The following FAM149A variants were observed in gnomAD, a reference collection of about 807,000 sequenced individuals.
FAM149A encodes family with sequence similarity 149 member A.
In FAM149A, 71 loss-of-function variants were observed where a neutral mutation model predicts 78.2. That is an observed-to-expected ratio of 0.91 (90% CI 0.75 to 1.11). FAM149A has a LOEUF of 1.11. Among genes scored for constraint, FAM149A ranks in the 50% least tolerant of loss-of-function variants. The pLI, the probability that FAM149A is intolerant of heterozygous loss-of-function variation, is 0.00. For synonymous variants in FAM149A, 446 were observed against 410.5 expected (o/e 1.09, Z -1.04); for missense variants, 1,036 against 971.0 (o/e 1.07, Z -0.89).
At chr4:186,134,282 A>ATT (rs1213376402) in intron 1 of FAM149A, among the ~76,000 whole-genome samples, 1 of 152,164 alleles carries the variant, frequency 6.6e-6, no homozygotes, top group Non-Finnish European at 1.5e-5. Flanking sequence ...ATTAAACCTG[A>ATT]GCAATTATGA....
chr4:186,165,274 T>G, intron 10 of FAM149A, 70 bp from the exon 11 acceptor site: 1 of 1,573,260 alleles, frequency 6.4e-7, no homozygotes, highest in Non-Finnish European at 8.7e-7. Context: ...TCACAGCTCT[T>G]GGCAGATTTC....
At chr4:186,158,075 G>T in intron 8 of FAM149A, 3 of 1,362,938 alleles carry the variant, frequency 2.2e-6, no homozygotes, top group Non-Finnish European at 2.9e-6. Context: ...AGAAGCTGCT[G>T]CTGGCAGCTC....
At chr4:186,129,782 T>C (rs947724811) in intron 1 of FAM149A, among the ~76,000 whole-genome samples, 1 of 152,156 alleles carries the variant, frequency 6.6e-6, no homozygotes, top group African/African-American at 2.4e-5. Flanking sequence ...ACCAGTTAAA[T>C]AGAAGAAGAA....
chr4:186,169,725 T>G, intron 13 of FAM149A: 1 of 985,274 alleles, frequency 1.0e-6, no homozygotes, highest in Non-Finnish European at 1.2e-6. Context: ...ATCGGGGGAC[T>G]GCAGTGACCC....
At chr4:186,105,787 G>A (rs2099308508) in intron 1 of FAM149A, 145 bp downstream of exon 1, 1 of 460,200 alleles carries the variant, frequency 2.2e-6, no homozygotes, top group Non-Finnish European at 2.9e-6. Context: ...CTCCTTGCAC[G>A]TTTCCTGGGT....
intron 10 of FAM149A, 137 bp from the exon 11 acceptor site, chr4:186,165,207 C>G (rs144925777): frequency 2.3e-6 from 2 of 876,276 alleles, no homozygotes; most frequent in Admixed American, 2.0e-5. Context: ...CCGGATAATA[C>G]CACACATAGC....
At chr4:186,161,758 A>C (rs1393238477) in intron 8 of FAM149A, among the ~76,000 whole-genome samples, 3 of 152,220 alleles carry the variant, frequency 2.0e-5, no homozygotes, top group Non-Finnish European at 4.4e-5. Context: ...CCTGCTTTGA[A>C]ATACTCAAGG....
chr4:186,168,653 G>A (rs1378822511), intron 13 of FAM149A, among the ~76,000 whole-genome samples: 2 of 152,332 alleles, frequency 1.3e-5, no homozygotes, highest in East Asian at 3.9e-4. Context: ...ACTGCGCCCA[G>A]CCCAGGTGTT....
At chr4:186,125,398 G>T in intron 1 of FAM149A, 1 of 884,294 alleles carries the variant, frequency 1.1e-6, no homozygotes, top group South Asian at 5.2e-5. Flanking sequence ...GCTGAGGGAA[G>T]CAGCCCTAGG....
In FAM149A at chr4:186,104,965, G is replaced by T. The variant is rs879360877; in HGVS notation, c.-112G>T. On this transcript the variant is annotated 5_prime_UTR_variant, in exon 1 of 14. Coordinates refer to ENST00000389354, the MANE Select transcript of FAM149A (RefSeq NM_001367768.3). Reference sequence around the variant, plus strand: ...GGAGAGGGAGCCAGGGGCCTCCGGGGCTCCGGGTGCGGGGACCTCAGGCTC... The same window carrying T: ...GGAGAGGGAGCCAGGGGCCTCCGGGTCTCCGGGTGCGGGGACCTCAGGCTC... 3.1e-4 allele frequency: 361 copies of T among 1,179,864 alleles called. 2 individuals carry two copies. The highest frequency in any genetic ancestry group is 3.7e-4 in the Non-Finnish European group (350 of 941,822). The allele number at this position is 1,179,864 out of a possible 1,614,324, so 73.1% of individuals were successfully genotyped here. A position where few individuals can be genotyped will look rare whatever the true frequency, so the allele number is the denominator to read the frequency against.
At chr4:186,150,572 A>G (rs1425907695) in intron 3 of FAM149A, among the ~76,000 whole-genome samples, 1 of 51,520 alleles carries the variant, frequency 1.9e-5, no homozygotes, top group Non-Finnish European at 4.8e-5. Flanking sequence ...GGCGCCCACC[A>G]CCACGCCCGG....
chr4:186,163,415 C>T lies in FAM149A; in HGVS notation c.1680-9C>T, dbSNP rs1220772894. The stretch of plus-strand genomic sequence containing the variant: ...CGCAGCTGAGTAGCTCACAGGATTT[C>T]CTTCCCAGGAATGAGAAGGAGGACA... On this transcript the variant is annotated splice_polypyrimidine_tract_variant and intron_variant, in intron 9 of 13. Coordinates refer to ENST00000389354, the MANE Select transcript of FAM149A (RefSeq NM_001367768.3). 17 of 1,611,494 alleles carry T rather than the reference C, an allele frequency of 1.1e-5. No homozygotes were observed. Among genetic ancestry groups the T allele is most frequent in the Non-Finnish European group, 1.4e-5 (16 of 1,178,748 alleles).
rs2150072613 is a variant in FAM149A at position 186,105,394 on chromosome 4, C to A, written c.318C>A (p.Ala106=). The A allele has an allele frequency of 1.7e-6, 2 of 1,180,620 alleles. No homozygotes were observed. The highest frequency in any genetic ancestry group is 2.1e-6 in the Non-Finnish European group (2 of 943,606). 73.1% of individuals were successfully genotyped at this position (1,180,620 alleles called of 1,614,324 possible). A position where few individuals can be genotyped will look rare whatever the true frequency, so the allele number is the denominator to read the frequency against. Residue 106 remains alanine (A), a synonymous_variant, in exon 1 of 14, where the codon GCC becomes GCA. Coordinates refer to ENST00000389354, the MANE Select transcript of FAM149A (RefSeq NM_001367768.3). Reference sequence around the variant, plus strand: ...CCAGTAGCCCTAGAGCGGGTAAAGCCCCGCCCCAGCCCCCCACTCCCTCCG... The same window carrying A: ...CCAGTAGCCCTAGAGCGGGTAAAGCACCGCCCCAGCCCCCCACTCCCTCCG...
At chr4:186,151,121 G>C in intron 3 of FAM149A, 1 of 913,362 alleles carries the variant, frequency 1.1e-6, no homozygotes, top group Non-Finnish European at 1.3e-6. Context: ...CACCGAGGGG[G>C]TCTGAAAGGG....
At chr4:186,121,506 G>A (rs1037633580) in intron 1 of FAM149A, among the ~76,000 whole-genome samples, 1 of 152,128 alleles carries the variant, frequency 6.6e-6, no homozygotes, top group African/African-American at 2.4e-5. Context: ...GTATTAAAGT[G>A]ACAATTTAAA....
chr4:186,171,069 A>T (rs1735482509), intron 13 of FAM149A: 1 of 152,302 alleles, frequency 6.6e-6, no homozygotes, highest in South Asian at 2.1e-4. Context: ...TGTGCAAGAG[A>T]CATCCCCATG....
At position 186,151,963 on chromosome 4, in the gene FAM149A, T is replaced by C. The variant is rs1399714090; in HGVS notation, c.850T>C (p.Leu284=). The C allele has an allele frequency of 6.2e-7, 1 of 1,613,988 alleles. No individual in the cohort carries two copies. The highest frequency in any genetic ancestry group is 8.5e-7 in the Non-Finnish European group (1 of 1,180,030). ...GTTACTCTGGGAGGTGGAGGAAATGTTATTTGAAGGGAAAGTGAACCCTCA... is the reference window on the plus strand; with the variant it reads ...GTTACTCTGGGAGGTGGAGGAAATGCTATTTGAAGGGAAAGTGAACCCTCA... The change falls in exon 4 of 14, where the codon TTA becomes CTA. Residue 284 remains leucine, a synonymous_variant. Coordinates refer to ENST00000389354, the MANE Select transcript of FAM149A (RefSeq NM_001367768.3).
intron 13 of FAM149A, chr4:186,170,899 G>A (rs985408389): frequency 5.3e-5 from 8 of 152,254 alleles, no homozygotes; most frequent in Non-Finnish European, 1.0e-4. Flanking sequence ...TAATTTCGAA[G>A]TCAGGCTGAA....
rs780872357 is a variant in FAM149A at position 186,120,612 on chromosome 4, T to A, written c.566+14970T>A. ...TTTGAGACCAGCCTGGCCAATATGG[T>A]GAAACCCTGTCTCTACTAAAAAAAC... On this transcript the variant is annotated intron_variant, in intron 1 of 13. Transcript: ENST00000389354. Among the ~76,000 whole-genome samples, 86 of 151,280 alleles carry A rather than the reference T, an allele frequency of 5.7e-4. 1 individual carries two copies. The highest frequency in any genetic ancestry group is 1.0e-3 in the Non-Finnish European group (69 of 67,850).
Sources: allele counts gnomAD v4.1 joint callset (sites outside exome capture counted in the v4.1 genomes callset), GRCh38; gene constraint gnomAD v4.1.1; transcripts MANE v1.5; gene names NCBI Gene and HGNC (gene_info 2026-07-23, HGNC 2026-07-21).